The following HSD17B2 variants were observed in gnomAD, a reference collection of about 807,000 sequenced individuals.
The protein encoded by HSD17B2 is hydroxysteroid 17-beta dehydrogenase 2.
In HSD17B2, 32 loss-of-function variants were observed where a neutral mutation model predicts 26.9. That is an observed-to-expected ratio of 1.19 (90% CI 0.90 to 1.60). The LOEUF is 1.60. Ranked by LOEUF, HSD17B2 falls within the 40% of genes most tolerant of loss-of-function variation. The pLI, the probability that HSD17B2 is intolerant of heterozygous loss-of-function variation, is 0.00. For synonymous variants in HSD17B2, 246 were observed against 186.7 expected (o/e 1.32, Z -2.59); for missense variants, 613 against 468.6 (o/e 1.31, Z -2.85).
intron 1 of HSD17B2, among the ~76,000 whole-genome samples, chr16:82,043,684 C>CA (rs398030034): frequency 0.27 from 5,979 of 22,500 alleles, 1,606 homozygotes; most frequent in Admixed American, 0.37. Context: ...AACTCTGTCT[C>CA]AAAAAAAAAA....
At chr16:82,043,480 G>T (rs1242783664) in intron 1 of HSD17B2, among the ~76,000 whole-genome samples, 1 of 125,032 alleles carries the variant, frequency 8.0e-6, no homozygotes, top group South Asian at 2.1e-4. Context: ...GTCAGGAGAT[G>T]GAGACTATCC....
intron 3 of HSD17B2, among the ~76,000 whole-genome samples, chr16:82,090,396 C>T (rs1904655580): frequency 7.6e-6 from 1 of 131,394 alleles, no homozygotes; most frequent in South Asian, 2.7e-4. Context: ...CAGCTCACTA[C>T]AACCTCTGCC....
intron 1 of HSD17B2, among the ~76,000 whole-genome samples, chr16:82,062,257 T>C (rs540350486): frequency 1.6e-4 from 25 of 152,234 alleles, no homozygotes; most frequent in Admixed American, 2.0e-4. Flanking sequence ...GTAGTAGTCA[T>C]TGCCTGTCCC....
chr16:82,087,952 A>C (rs1274805759), intron 3 of HSD17B2, among the ~76,000 whole-genome samples: 2 of 152,076 alleles, frequency 1.3e-5, no homozygotes, highest in Non-Finnish European at 2.9e-5. Context: ...CTCTTGGTGC[A>C]CCCCACCTCC....
At chr16:82,086,775 G>A (rs763925081) in intron 3 of HSD17B2, among the ~76,000 whole-genome samples, 5 of 152,164 alleles carry the variant, frequency 3.3e-5, no homozygotes, top group Non-Finnish European at 7.3e-5. Flanking sequence ...ATCACAAATC[G>A]TGTGGCCTAA....
intron 3 of HSD17B2, among the ~76,000 whole-genome samples, chr16:82,084,559 T>TA (rs373249269): frequency 1.1e-3 from 170 of 151,802 alleles, no homozygotes; most frequent in Admixed American, 3.9e-3. Context: ...TTATTATTAT[T>TA]TTTTTTATTT....
At chr16:82,069,851 C>G (rs894568097) in intron 2 of HSD17B2, among the ~76,000 whole-genome samples, 1 of 152,040 alleles carries the variant, frequency 6.6e-6, no homozygotes, top group Non-Finnish European at 1.5e-5. Context: ...AGACTGAAAC[C>G]ACGTGCAGGA....
intron 1 of HSD17B2, among the ~76,000 whole-genome samples, chr16:82,059,039 G>A (rs565836485): frequency 7.9e-5 from 12 of 152,260 alleles, no homozygotes; most frequent in East Asian, 3.9e-4. Context: ...AAGAGAGTCC[G>A]TACTCTGATG....
chr16:82,052,754 T>C (rs906555728), intron 1 of HSD17B2, among the ~76,000 whole-genome samples: 4 of 152,192 alleles, frequency 2.6e-5, no homozygotes, highest in African/African-American at 9.7e-5. Flanking sequence ...GAAGATCACA[T>C]GTAGTAGGAG....
intron 1 of HSD17B2, among the ~76,000 whole-genome samples, chr16:82,045,121 CAAAAAAAAAAAAA>C (rs10565056): frequency 1.6e-4 from 7 of 42,798 alleles, no homozygotes; most frequent in South Asian, 9.8e-4. Flanking sequence ...AAACTCTGTC[CAAAAAAAAAAAAA>C]AAAAAAAAAG....
At chr16:82,061,258 A>G (rs1914431118) in intron 1 of HSD17B2, among the ~76,000 whole-genome samples, 1 of 151,388 alleles carries the variant, frequency 6.6e-6, no homozygotes. Context: ...ACTCTGTCAA[A>G]AAAAAAAAAA....
chr16:82,061,222 C>T (rs1914429330), intron 1 of HSD17B2, among the ~76,000 whole-genome samples: 1 of 150,942 alleles, frequency 6.6e-6, no homozygotes, highest in Non-Finnish European at 1.5e-5. Flanking sequence ...TGTGCCACTG[C>T]ACTCAAGCCT....
chr16:82,095,019 G>C (rs1904799062), intron 4 of HSD17B2: 1 of 152,244 alleles, frequency 6.6e-6, no homozygotes, highest in African/African-American at 2.4e-5. Flanking sequence ...TGGGTAGGGA[G>C]AGTCTGTCAA....
chr16:82,082,469 T>C (rs998210466), intron 3 of HSD17B2, among the ~76,000 whole-genome samples: 2 of 152,224 alleles, frequency 1.3e-5, no homozygotes, highest in African/African-American at 4.8e-5. Context: ...ACATTTAGGT[T>C]CTTTCCAACT....
chr16:82,060,497 C>A (rs1386788452), intron 1 of HSD17B2, among the ~76,000 whole-genome samples: 3 of 152,234 alleles, frequency 2.0e-5, no homozygotes, highest in African/African-American at 7.2e-5. Context: ...GACTCATCTC[C>A]TGGTTAATCA....
At chr16:82,091,282 G>T (rs753913110) in intron 4 of HSD17B2, 9 of 530,008 alleles carry the variant, frequency 1.7e-5, no homozygotes, top group Non-Finnish European at 3.1e-5. Flanking sequence ...CCAGGGAGAG[G>T]GGAAAGCATG....
chr16:82,052,078 C>T (rs114758197), intron 1 of HSD17B2, among the ~76,000 whole-genome samples: 2,582 of 152,240 alleles, frequency 0.017, 50 homozygotes, highest in South Asian at 0.071. Flanking sequence ...AATGTCTGTG[C>T]GGTGTATGAC....
At chr16:82,081,745 C>A (rs1353461930) in intron 3 of HSD17B2, among the ~76,000 whole-genome samples, 1 of 152,112 alleles carries the variant, frequency 6.6e-6, no homozygotes, top group African/African-American at 2.4e-5. Flanking sequence ...CCCCGCACTT[C>A]TTTATTTTTA....
chr16:82,057,103 G>T lies in HSD17B2; in HGVS notation c.266-11067G>T, dbSNP rs181278795. 2.0e-5 allele frequency among the ~76,000 whole-genome samples: 3 copies of T among 152,246 alleles called. No homozygotes were observed. The East Asian group carries it at 5.8e-4, about 29-fold the overall frequency. On this transcript the variant is annotated intron_variant, in intron 1 of 4. Transcript: ENST00000199936. ...AGTGATTGAACTAATTAATAAGCGA[G>T]GGAGAAGAGATAAATCTCCTGTGCA...
Sources: gnomAD v4.1 joint callset for allele counts (sites outside exome capture counted in the v4.1 genomes callset) on GRCh38, gnomAD v4.1.1 for gene constraint, MANE v1.5 for transcripts, NCBI Gene and HGNC (gene_info 2026-07-23, HGNC 2026-07-21) for gene names.